Variants in PPP2R2B observed in about 807,000 individuals in gnomAD.
PPP2R2B encodes serine/threonine-protein phosphatase 2A 55 kDa regulatory subunit B beta isoform.
PPP2R2B carries 5 observed loss-of-function variants against 46.0 expected under a neutral mutation model. The observed-to-expected ratio is 0.11, with a 90% confidence interval of 0.06 to 0.23. The LOEUF (loss-of-function observed/expected upper bound fraction) is 0.23, where lower values mean the gene tolerates loss of function less well. Among genes scored for constraint, PPP2R2B ranks in the 10% least tolerant of loss-of-function variants. PPP2R2B has a pLI of 1.00. For missense variants in PPP2R2B, 367 were observed against 575.0 expected (o/e 0.64, Z 3.70); for synonymous variants, 215 against 206.7 (o/e 1.04, Z -0.34).
chr5:146,767,428 A>C (rs761437822), intron 2 of PPP2R2B, among the ~76,000 whole-genome samples: 4 of 152,132 alleles, frequency 2.6e-5, no homozygotes, highest in African/African-American at 9.7e-5. Flanking sequence ...TATAGAGTGA[A>C]TCTTTCAGTA....
At chr5:146,849,945 C>A (rs1201277307) in intron 2 of PPP2R2B, among the ~76,000 whole-genome samples, 4 of 152,074 alleles carry the variant, frequency 2.6e-5, no homozygotes, top group African/African-American at 9.7e-5. Flanking sequence ...AGCAGAAAAA[C>A]CAATCTCACA....
chr5:146,696,188 C>G (rs1424350109), intron 4 of PPP2R2B, among the ~76,000 whole-genome samples: 1 of 151,862 alleles, frequency 6.6e-6, no homozygotes, highest in Non-Finnish European at 1.5e-5. Context: ...ACTCCAAGCC[C>G]CGCCTCCTGG....
At chr5:146,672,797 C>G (rs977703113) in intron 5 of PPP2R2B, among the ~76,000 whole-genome samples, 1 of 152,208 alleles carries the variant, frequency 6.6e-6, no homozygotes, top group African/African-American at 2.4e-5. Context: ...TGACTCACAA[C>G]TCTCTCCGAC....
intron 2 of PPP2R2B, among the ~76,000 whole-genome samples, chr5:146,869,033 G>A (rs1056259852): frequency 1.8e-4 from 27 of 152,276 alleles, no homozygotes; most frequent in African/African-American, 5.5e-4. Context: ...GCCTGTACTG[G>A]TGCACAGAAA....
intron 1 of PPP2R2B, among the ~76,000 whole-genome samples, chr5:146,911,086 T>TTCTTG (rs139264605): frequency 0.47 from 70,012 of 147,688 alleles, 18,146 homozygotes; most frequent in African/African-American, 0.69. Flanking sequence ...GTTAGACACT[T>TTCTTG]TCTTTTTTTT....
At chr5:146,910,985 C>A (rs1423870688) in intron 1 of PPP2R2B, among the ~76,000 whole-genome samples, 1 of 152,076 alleles carries the variant, frequency 6.6e-6, no homozygotes, top group Non-Finnish European at 1.5e-5. Flanking sequence ...GTCTAAAATT[C>A]TTTTCCATCC....
intron 2 of PPP2R2B, among the ~76,000 whole-genome samples, chr5:146,750,600 G>A (rs1753496775): frequency 6.6e-6 from 1 of 152,106 alleles, no homozygotes; most frequent in South Asian, 2.1e-4. Flanking sequence ...TAAATGACCA[G>A]GAACACTTGA....
intron 1 of PPP2R2B, among the ~76,000 whole-genome samples, chr5:146,901,260 G>C (rs183483740): frequency 5.9e-5 from 9 of 152,244 alleles, no homozygotes; most frequent in Non-Finnish European, 1.2e-4. Flanking sequence ...AGCACTTTGG[G>C]AGGCTGATGT....
At chr5:146,701,852 A>T (rs1779559628) in intron 2 of PPP2R2B, among the ~76,000 whole-genome samples, 2 of 152,188 alleles carry the variant, frequency 1.3e-5, no homozygotes, top group Admixed American at 1.3e-4. Flanking sequence ...AGGCACCAGG[A>T]ACTCAGATCA....
chr5:147,007,323 G>A (rs1009661710), intron 1 of PPP2R2B, among the ~76,000 whole-genome samples: 22 of 152,276 alleles, frequency 1.4e-4, no homozygotes, highest in African/African-American at 4.8e-4. Flanking sequence ...TCTGGGTCAG[G>A]TGGGGACTTG....
At chr5:146,675,994 A>T (rs1315142584) in intron 5 of PPP2R2B, among the ~76,000 whole-genome samples, 2 of 152,002 alleles carry the variant, frequency 1.3e-5, no homozygotes, top group Non-Finnish European at 2.9e-5. Context: ...ATGACCCTCC[A>T]AACAATTCAA....
intron 2 of PPP2R2B, among the ~76,000 whole-genome samples, chr5:146,802,760 T>C (rs528031389): frequency 3.3e-5 from 5 of 152,240 alleles, no homozygotes; most frequent in Admixed American, 2.6e-4. Context: ...GATAAGTATA[T>C]AGTGAGGTCT....
At chr5:146,974,452 G>C (rs536213417) in intron 1 of PPP2R2B, among the ~76,000 whole-genome samples, 1 of 152,114 alleles carries the variant, frequency 6.6e-6, no homozygotes, top group African/African-American at 2.4e-5. Context: ...GGGCAGTCCC[G>C]TGCTGGGGTT....
At chr5:147,022,400 A>G (rs74525980) in intron 1 of PPP2R2B, among the ~76,000 whole-genome samples, 1 of 125,276 alleles carries the variant, frequency 8.0e-6, no homozygotes, top group Non-Finnish European at 1.5e-5. Flanking sequence ...CTGCTAAAAT[A>G]AAAAAAAAAA....
chr5:146,739,225 G>T (rs1025729362), intron 2 of PPP2R2B, among the ~76,000 whole-genome samples: 3 of 152,126 alleles, frequency 2.0e-5, no homozygotes, highest in African/African-American at 7.2e-5. Context: ...CAACTATGTT[G>T]CCCAAGCTGG....
chr5:146,913,022 C>T (rs1763248819), intron 1 of PPP2R2B, among the ~76,000 whole-genome samples: 1 of 152,200 alleles, frequency 6.6e-6, no homozygotes, highest in Non-Finnish European at 1.5e-5. Context: ...TGTGTTCAGC[C>T]CTGTAGGCAG....
At chr5:146,861,853 ATTG>A (rs1385963885) in intron 2 of PPP2R2B, among the ~76,000 whole-genome samples, 4,268 of 144,752 alleles carry the variant, frequency 0.029, 96 homozygotes, top group Middle Eastern at 0.047. Context: ...AAAATACAGC[ATTG>A]TTTTTTTTTT....
chr5:146,837,250 A>G (rs2151361126), intron 2 of PPP2R2B, among the ~76,000 whole-genome samples: 1 of 152,348 alleles, frequency 6.6e-6, no homozygotes, highest in South Asian at 2.1e-4. Context: ...TAGGCTTTGC[A>G]TGAGATGATT....
chr5:146,942,650 C>T (rs576052813), intron 1 of PPP2R2B, among the ~76,000 whole-genome samples: 13 of 152,252 alleles, frequency 8.5e-5, no homozygotes, highest in African/African-American at 2.2e-4. Flanking sequence ...CATGAGAACT[C>T]CTGTTTCTCC....
Sources: allele counts gnomAD v4.1 joint callset (sites outside exome capture counted in the v4.1 genomes callset), GRCh38; gene constraint gnomAD v4.1.1; transcripts MANE v1.5; gene names NCBI Gene and HGNC (gene_info 2026-07-23, HGNC 2026-07-21).